ST6GAL2: variants seen among roughly 807,000 people sequenced by gnomAD.
The protein encoded by ST6GAL2 is ST6 beta-galactoside alpha-2,6-sialyltransferase 2, also known as beta-galactoside alpha-2,6-sialyltransferase 2.
Under a neutral mutation model 37.5 loss-of-function variants are expected in ST6GAL2, and 24 were observed. That is an observed-to-expected ratio of 0.64 (90% CI 0.46 to 0.90). The LOEUF is 0.90. Among genes scored for constraint, ST6GAL2 ranks in the 40% least tolerant of loss-of-function variants. The pLI is 0.00. For synonymous variants in ST6GAL2, 306 were observed against 295.1 expected (o/e 1.04, Z -0.38); for missense variants, 715 against 712.7 (o/e 1.00, Z -0.04).
intron 1 of ST6GAL2, among the ~76,000 whole-genome samples, chr2:106,853,884 G>A (rs937222707): frequency 1.3e-5 from 2 of 152,170 alleles, no homozygotes. Flanking sequence ...AGGGTCTGCT[G>A]GCTTCCAGAA....
rs544183488 is a variant in ST6GAL2 at position 106,857,439 on chromosome 2, C to T, written c.-57-13405G>A. Among the ~76,000 whole-genome samples, 101 of 151,984 alleles carry T rather than the reference C, an allele frequency of 6.6e-4. 2 individuals carry two copies. In the South Asian group the frequency reaches 0.021, roughly 32 times the overall value. ...TCAACATGCTGAAACCCTGTCTCTACCAAAAAATACAAAAATTAGCTGGGT... is the reference window on the plus strand; with the variant it reads ...TCAACATGCTGAAACCCTGTCTCTATCAAAAAATACAAAAATTAGCTGGGT... On this transcript the variant is annotated intron_variant, in intron 1 of 5. Transcript: ENST00000409382.
intron 2 of ST6GAL2, among the ~76,000 whole-genome samples, chr2:106,840,316 CAG>C (rs1413236080): frequency 6.6e-6 from 1 of 152,194 alleles, no homozygotes. Context: ...AATTTGCTGC[CAG>C]AGTTTGTTTG....
intron 1 of ST6GAL2, among the ~76,000 whole-genome samples, chr2:106,865,723 A>G (rs1677999479): frequency 1.3e-5 from 2 of 152,222 alleles, no homozygotes. Context: ...CACTTTAGAC[A>G]CAAGGAAACA....
In ST6GAL2 at chr2:106,874,820, T is replaced by C. The variant is rs774095231; in HGVS notation, c.-58+11273A>G. On this transcript the variant is annotated intron_variant, in intron 1 of 5. Coordinates refer to ENST00000409382, the MANE Select transcript of ST6GAL2 (RefSeq NM_001142351.2). ...AACACATATTTTCAAGCCACTTAAA[T>C]AGTGTGTGCCCAAGGGCACATTATA... Among the ~76,000 whole-genome samples, 6 of 152,286 alleles carry C rather than the reference T, an allele frequency of 3.9e-5. No individual in the cohort carries two copies. In the East Asian group the frequency reaches 5.8e-4, roughly 15 times the overall value.
intron 5 of ST6GAL2, among the ~76,000 whole-genome samples, chr2:106,817,873 C>T (rs1320959375): frequency 1.3e-5 from 2 of 152,078 alleles, no homozygotes; most frequent in African/African-American, 2.4e-5. Context: ...GGTCTGGTAG[C>T]ATTTACCATA....
Position 106,844,037 on chromosome 2 carries a change from G to GAA in ST6GAL2, c.-57-5_-57-4dup, listed in dbSNP as rs1488750871. ...TGCAGATGGGTGGCAGAATGAACCTGAAAAACAGCCAGATGGCAGTTAGCC... is the reference window on the plus strand; with the variant it reads ...TGCAGATGGGTGGCAGAATGAACCTGAAAAAAACAGCCAGATGGCAGTTAGCC... On this transcript the variant is annotated splice_polypyrimidine_tract_variant and splice_region_variant and intron_variant, in intron 1 of 5. Transcript: ENST00000409382. 1 of 1,410,210 alleles carries GAA rather than the reference G, an allele frequency of 7.1e-7. No homozygotes were observed. Among genetic ancestry groups the GAA allele is most frequent in the Non-Finnish European group, 9.6e-7 (1 of 1,045,820 alleles). 87.4% of individuals were successfully genotyped at this position (1,410,210 alleles called of 1,614,324 possible).
At chr2:106,846,298 C>T (rs1325062167) in intron 1 of ST6GAL2, among the ~76,000 whole-genome samples, 3 of 152,246 alleles carry the variant, frequency 2.0e-5, no homozygotes, top group Middle Eastern at 3.4e-3. Flanking sequence ...TGTATAAATA[C>T]ATTTATATAC....
At chr2:106,824,249 CTG>C (rs1017809425) in intron 5 of ST6GAL2, among the ~76,000 whole-genome samples, 1 of 152,204 alleles carries the variant, frequency 6.6e-6, no homozygotes, top group African/African-American at 2.4e-5. Context: ...AGGACAAAAA[CTG>C]AGTTCATTAG....
rs374052644 is a variant in ST6GAL2, at chr2:106,830,214, C to T, written c.1170G>A (p.Leu390=). Residue 390 remains leucine, a synonymous_variant, in exon 5 of 6, where the codon CTG becomes CTA. Coordinates refer to ENST00000409382, the MANE Select transcript of ST6GAL2 (RefSeq NM_001142351.2). Reference sequence around the variant, plus strand: ...GACGATGCTGAATATATGGAGTGAACAGGTTGTAATCCGGTTTTTTGTACC... The same window carrying T: ...GACGATGCTGAATATATGGAGTGAATAGGTTGTAATCCGGTTTTTTGTACC... ...NLWYKKPDYN[L]FTPYIQHRQR... 93 of 1,612,600 alleles carry T rather than the reference C, an allele frequency of 5.8e-5. No individual in the cohort carries two copies. The highest frequency in any genetic ancestry group is 7.7e-5 in the Non-Finnish European group (91 of 1,179,830).
At chr2:106,877,993 A>G (rs1402554182) in intron 1 of ST6GAL2, among the ~76,000 whole-genome samples, 1 of 152,204 alleles carries the variant, frequency 6.6e-6, no homozygotes, top group African/African-American at 2.4e-5. Context: ...CACCCTGAAA[A>G]TTCAGTGGCT....
At chr2:106,820,835 A>G (rs572067038) in intron 5 of ST6GAL2, among the ~76,000 whole-genome samples, 126 of 152,192 alleles carry the variant, frequency 8.3e-4, no homozygotes, top group African/African-American at 2.8e-3. Flanking sequence ...TTTTGGAATT[A>G]AAAAGATGAA....
intron 2 of ST6GAL2, among the ~76,000 whole-genome samples, chr2:106,842,719 CG>C (rs1192210518): frequency 6.6e-6 from 1 of 152,062 alleles, no homozygotes; most frequent in Non-Finnish European, 1.5e-5. Flanking sequence ...AGAAGGACGC[CG>C]GGGGCAAAGG....
chr2:106,843,385 G>A lies in ST6GAL2; in HGVS notation c.593C>T (p.Ser198Phe). Reference protein sequence around the residue: ...EGDDGDRLYSSMSRAFLYRLW... With the variant: ...EGDDGDRLYSFMSRAFLYRLW... ...CCGGTACAGGAAGGCCCTGGACATG[G>A]AGGAGTACAGCCTGTCGCCGTCGTC... The change falls in exon 2 of 6, where the codon TCC becomes TTC. Residue 198 changes from serine (S) to phenylalanine (F), a missense_variant. Transcript: ENST00000409382. 1 of 1,613,378 alleles carries A rather than the reference G, an allele frequency of 6.2e-7. No individual in the cohort carries two copies.
chr2:106,823,488 G>C (rs62155502), intron 5 of ST6GAL2, among the ~76,000 whole-genome samples: 50,128 of 93,368 alleles, frequency 0.54, 10,489 homozygotes, highest in Non-Finnish European at 0.63. Flanking sequence ...CACACACACA[G>C]AGAGAGAGAG....
chr2:106,807,666 T>C (rs1245939736), intron 5 of ST6GAL2, among the ~76,000 whole-genome samples: 1 of 148,322 alleles, frequency 6.7e-6, no homozygotes, highest in Non-Finnish European at 1.5e-5. Context: ...TCTCACTGTG[T>C]TGCTCAAGCT....
intron 5 of ST6GAL2, among the ~76,000 whole-genome samples, chr2:106,808,921 C>T (rs138327540): frequency 1.1e-4 from 17 of 152,288 alleles, no homozygotes; most frequent in African/African-American, 4.1e-4. Context: ...GCAGGAGAAT[C>T]ACTTGAGCCT....
At chr2:106,878,623 A>G (rs1425644192) in intron 1 of ST6GAL2, among the ~76,000 whole-genome samples, 1 of 152,210 alleles carries the variant, frequency 6.6e-6, no homozygotes, top group South Asian at 2.1e-4. Flanking sequence ...AAACAAAACC[A>G]GCGTAACTGT....
chr2:106,829,216 T>A (rs1676318473), intron 5 of ST6GAL2, among the ~76,000 whole-genome samples: 1 of 152,184 alleles, frequency 6.6e-6, no homozygotes, highest in African/African-American at 2.4e-5. Flanking sequence ...CGGGGGTCTA[T>A]GTTTTGTCCC....
chr2:106,808,276 T>G (rs72627458), intron 5 of ST6GAL2, among the ~76,000 whole-genome samples: 8,235 of 152,174 alleles, frequency 0.054, 875 homozygotes, highest in East Asian at 0.49. Context: ...GGCTGCCTGG[T>G]GGACAAGGGG....
Sources: gnomAD v4.1 joint callset for allele counts (sites outside exome capture counted in the v4.1 genomes callset) on GRCh38, gnomAD v4.1.1 for gene constraint, MANE v1.5 for transcripts, NCBI Gene and HGNC (gene_info 2026-07-23, HGNC 2026-07-21) for gene names.